Variants in PARM1 observed in about 807,000 individuals in gnomAD.
PARM1 encodes WSC4, cell wall integrity and stress response component 4 homolog.
Under a neutral mutation model 24.6 loss-of-function variants are expected in PARM1, and 14 were observed. The observed-to-expected ratio is 0.57, with a 90% CI of 0.38 to 0.89. The LOEUF (loss-of-function observed/expected upper bound fraction) is 0.89. PARM1 is among the 40% of genes least tolerant of loss of function. The pLI, the probability that PARM1 is intolerant of heterozygous loss-of-function variation, is 0.00. For missense variants in PARM1, 362 were observed against 380.4 expected, an observed-to-expected ratio of 0.95 and a Z score of 0.40; for synonymous variants, 179 against 156.6, an observed-to-expected ratio of 1.14 and a Z score of -1.07.
At chr4:74,992,193 T>G (rs901039184) in intron 1 of PARM1, among the ~76,000 whole-genome samples, 3 of 152,072 alleles carry the variant, frequency 2.0e-5, no homozygotes, top group African/African-American at 7.2e-5. Context: ...TCCTTTTGGG[T>G]TTTTATGGAT....
intron 1 of PARM1, among the ~76,000 whole-genome samples, chr4:74,983,244 G>T (rs1722293060): frequency 1.3e-5 from 2 of 152,164 alleles, no homozygotes; most frequent in Non-Finnish European, 2.9e-5. Flanking sequence ...ACTGAATATG[G>T]TCTGGGAATA....
At chr4:75,000,402 GC>G (rs1270094447) in intron 1 of PARM1, among the ~76,000 whole-genome samples, 1 of 152,112 alleles carries the variant, frequency 6.6e-6, no homozygotes, top group African/African-American at 2.4e-5. Flanking sequence ...GGCATCCTAG[GC>G]CTGGCCTGGT....
At chr4:74,939,618 A>C (rs1721261215) in intron 1 of PARM1, among the ~76,000 whole-genome samples, 1 of 152,084 alleles carries the variant, frequency 6.6e-6, no homozygotes, top group South Asian at 2.1e-4. Context: ...TAATTATATA[A>C]GGTTTGCATA....
intron 1 of PARM1, among the ~76,000 whole-genome samples, chr4:74,942,931 G>A (rs1721340092): frequency 6.6e-6 from 1 of 152,156 alleles, no homozygotes; most frequent in South Asian, 2.1e-4. Context: ...CGTGAGCTGG[G>A]GCCTCGTTGG....
At chr4:74,982,241 C>G (rs913919228) in intron 1 of PARM1, among the ~76,000 whole-genome samples, 29 of 152,222 alleles carry the variant, frequency 1.9e-4, no homozygotes, top group African/African-American at 6.5e-4. Flanking sequence ...GGGAGCCGAA[C>G]AATGTGAACA....
chr4:75,008,873 A>G (rs1722818005), intron 1 of PARM1, among the ~76,000 whole-genome samples: 1 of 150,464 alleles, frequency 6.6e-6, no homozygotes, highest in Non-Finnish European at 1.5e-5. Flanking sequence ...GGCTCTCTCT[A>G]CCTCCATCTG....
In PARM1 at chr4:75,049,343, A is replaced by G. The variant is rs1300686711; in HGVS notation, c.*3096A>G. 1.3e-5 allele frequency: 2 copies of G among 150,502 alleles called. No individual in the cohort carries two copies. Among genetic ancestry groups the G allele is most frequent in the Non-Finnish European group, 3.0e-5 (2 of 67,470 alleles). The allele number at this position is 150,502 out of a possible 1,614,324, so 9.3% of individuals were successfully genotyped here. ...TGTCTATGGTATTTTCAGTTTCTGG[A>G]GAAAAATACTTATAGACAGTTTAAC... On this transcript the variant is annotated 3_prime_UTR_variant, in exon 4 of 4. Transcript: ENST00000307428.
At position 74,936,516 on chromosome 4, in the gene PARM1, C is replaced by T. The variant is rs942899230; in HGVS notation, c.43+3146C>T. On this transcript the variant is annotated intron_variant, in intron 1 of 3. Transcript: ENST00000307428. ...TCTCCCAGGCTGGAGTGCAGTGGCG[C>T]GATCTCAGCTCACTGCAAGCTCCGC... Among the ~76,000 whole-genome samples, 5 of 150,124 alleles carry T rather than the reference C, an allele frequency of 3.3e-5. No individual in the cohort carries two copies. In the East Asian group the frequency reaches 5.9e-4, roughly 18 times the overall value.
chr4:74,936,490 G>A (rs1418010666), intron 1 of PARM1, among the ~76,000 whole-genome samples: 1 of 137,838 alleles, frequency 7.3e-6, no homozygotes, highest in Non-Finnish European at 1.5e-5. Context: ...GTCTCTCTCT[G>A]TCTCCCAGGC....
intron 1 of PARM1, chr4:74,967,538 G>A (rs1415277162): frequency 6.6e-6 from 1 of 152,178 alleles, no homozygotes; most frequent in Non-Finnish European, 1.5e-5. Flanking sequence ...GGCCCTTGAA[G>A]GCTTATAGTG....
chr4:75,043,611 A>G (rs1222306925), intron 3 of PARM1, among the ~76,000 whole-genome samples: 3 of 152,226 alleles, frequency 2.0e-5, no homozygotes, highest in Non-Finnish European at 2.9e-5. Context: ...TTTATTGAGT[A>G]TATTTTGCCA....
chr4:75,003,515 T>G (rs1722719654), intron 1 of PARM1, among the ~76,000 whole-genome samples: 1 of 152,134 alleles, frequency 6.6e-6, no homozygotes, highest in African/African-American at 2.4e-5. Context: ...AAACAGAAGC[T>G]CTTTCCTCTT....
chr4:74,949,001 G>T (rs541665181), intron 1 of PARM1, among the ~76,000 whole-genome samples: 2 of 151,774 alleles, frequency 1.3e-5, no homozygotes, highest in Non-Finnish European at 2.9e-5. Context: ...CAGCCTCGGC[G>T]ACAGAGCGAG....
intron 1 of PARM1, among the ~76,000 whole-genome samples, chr4:74,980,996 A>G (rs72860954): frequency 6.6e-6 from 1 of 152,308 alleles, no homozygotes; most frequent in African/African-American, 2.4e-5. Context: ...TAAAACCCCA[A>G]ACTATAAACA....
chr4:75,014,144 G>A (rs561149659), intron 2 of PARM1, among the ~76,000 whole-genome samples: 1 of 152,310 alleles, frequency 6.6e-6, no homozygotes, highest in South Asian at 2.1e-4. Flanking sequence ...GGCCATCACT[G>A]AGGAGAGAAT....
At chr4:74,977,706 G>A (rs1444558492) in intron 1 of PARM1, among the ~76,000 whole-genome samples, 1 of 152,142 alleles carries the variant, frequency 6.6e-6, no homozygotes, top group Non-Finnish European at 1.5e-5. Context: ...AATGTTAGGG[G>A]CAGCCAGAGA....
intron 1 of PARM1, among the ~76,000 whole-genome samples, chr4:74,940,831 A>G (rs1362106471): frequency 6.6e-6 from 1 of 152,222 alleles, no homozygotes; most frequent in Non-Finnish European, 1.5e-5. Context: ...TTTATTTAGT[A>G]TGTTAGTTAC....
chr4:74,968,528 G>C (rs1310396037), intron 1 of PARM1, among the ~76,000 whole-genome samples: 1 of 152,210 alleles, frequency 6.6e-6, no homozygotes, highest in Admixed American at 6.5e-5. Context: ...ATTTGTCAGT[G>C]TGCATGGAAG....
chr4:74,990,537 C>T lies in PARM1; in HGVS notation c.44-21888C>T, dbSNP rs529117546. On this transcript the variant is annotated intron_variant, in intron 1 of 3. Transcript: ENST00000307428. ...CACAGTACCAGAAACAGCAAATGGA[C>T]TTCAGGCTCTGTCTGTGATCCAAGA... is the stretch of plus-strand genomic sequence containing the variant. Among the ~76,000 whole-genome samples the T allele has an allele frequency of 3.6e-4, 55 of 152,130 alleles. 1 individual carries two copies. Among genetic ancestry groups the T allele is most frequent in the Non-Finnish European group, 7.1e-4 (48 of 68,020 alleles).
Sources: gnomAD v4.1 joint callset for allele counts (sites outside exome capture counted in the v4.1 genomes callset) on GRCh38, gnomAD v4.1.1 for gene constraint, MANE v1.5 for transcripts, NCBI Gene and HGNC (gene_info 2026-07-23, HGNC 2026-07-21) for gene names.